MTTP: variants seen among roughly 807,000 people sequenced by gnomAD.
MTTP encodes the protein microsomal triglyceride transfer protein.
In MTTP, 49 loss-of-function variants were observed where a neutral mutation model predicts 90.6. The observed-to-expected ratio is 0.54, with a 90% CI of 0.43 to 0.69. The LOEUF (loss-of-function observed/expected upper bound fraction) is 0.69. Ranked by LOEUF, MTTP falls within the 30% of genes least tolerant of loss-of-function variation. MTTP has a pLI of 0.00. For missense variants in MTTP, 945 were observed against 1,067.5 expected, an observed-to-expected ratio of 0.89 and a Z score of 1.60; for synonymous variants, 347 against 384.2, an observed-to-expected ratio of 0.90 and a Z score of 1.13.
intron 7 of MTTP, 142 bp downstream of exon 7, chr4:99,595,025 C>A: frequency 2.3e-6 from 2 of 887,798 alleles, no homozygotes; most frequent in Non-Finnish European, 3.7e-6. Context: ...AGCAGTCTCA[C>A]AATATGCACC....
chr4:99,607,186 T>C (rs1181901210), intron 11 of MTTP, among the ~76,000 whole-genome samples: 1 of 152,238 alleles, frequency 6.6e-6, no homozygotes, highest in Non-Finnish European at 1.5e-5. Context: ...GCATATTCTC[T>C]TATTTTAAGA....
At chr4:99,592,088 A>G (rs1228344352) in intron 6 of MTTP, among the ~76,000 whole-genome samples, 1 of 152,206 alleles carries the variant, frequency 6.6e-6, no homozygotes, top group East Asian at 1.9e-4. Context: ...TACTGTAGAC[A>G]ATTAAACACA....
Position 99,594,875 on chromosome 4 carries a change from T to A in MTTP, c.901T>A (p.Cys301Ser), listed in dbSNP as rs759706918. The A allele has an allele frequency of 6.2e-7, 1 of 1,613,906 alleles. No individual in the cohort carries two copies. Among genetic ancestry groups the A allele is most frequent in the South Asian group, 1.1e-5 (1 of 91,080 alleles). ...GGTCTTCCAGAGCCACTGTAAAGGA[T>A]GTCCTTCTGTAAGTGCAGACAAATA... ...GQVFQSHCKG[C>S]PSLSELWRST... is the part of the protein sequence containing the mutation. Residue 301 changes from cysteine (C) to serine (S), a missense_variant, in exon 7 of 18, where the codon TGT (cysteine) becomes AGT (serine). Transcript: ENST00000265517.
chr4:99,565,498 T>A (rs1347311940), intron 1 of MTTP, among the ~76,000 whole-genome samples: 2 of 152,200 alleles, frequency 1.3e-5, no homozygotes, highest in African/African-American at 4.8e-5. Flanking sequence ...TGAAATCATG[T>A]GAAACAATAT....
chr4:99,569,786 C>G (rs2866164), intron 1 of MTTP, among the ~76,000 whole-genome samples: 39,775 of 151,754 alleles, frequency 0.26, 5,375 homozygotes, highest in South Asian at 0.35. Context: ...CTGCTGTTTA[C>G]CAGACTGCTT....
chr4:99,587,634 CA>C (rs1291621183), intron 3 of MTTP, among the ~76,000 whole-genome samples: 2 of 152,076 alleles, frequency 1.3e-5, no homozygotes, highest in Non-Finnish European at 2.9e-5. Flanking sequence ...ATAGTGGTGA[CA>C]ATACTGGTAT....
chr4:99,619,823 T>G (rs879590426), intron 16 of MTTP, among the ~76,000 whole-genome samples: 24 of 152,186 alleles, frequency 1.6e-4, no homozygotes, highest in Non-Finnish European at 2.9e-4. Flanking sequence ...ACATTTAATG[T>G]GAAGTGTGAC....
rs556994625 is a variant in MTTP, at chr4:99,623,230, T to G, written c.*382T>G. 4.7e-6 allele frequency: 1 copy of G among 212,136 alleles called. No individual in the cohort carries two copies. Among genetic ancestry groups the G allele is most frequent in the African/African-American group, 2.3e-5 (1 of 43,146 alleles). The allele number at this position is 212,136 out of a possible 1,614,324, so 13.1% of individuals were successfully genotyped here. ...TTTTTGATCAATGTATATGAAGCTC[T>G]TGATAGGACTTCCTTAAGCATGACG... On this transcript the variant is annotated 3_prime_UTR_variant, in exon 18 of 18. Coordinates refer to ENST00000265517, the MANE Select transcript of MTTP (RefSeq NM_001386140.1).
intron 1 of MTTP, 74 bp from the exon 2 acceptor site, chr4:99,581,831 G>A: frequency 1.4e-6 from 2 of 1,466,980 alleles, no homozygotes; most frequent in Non-Finnish European, 1.9e-6. Flanking sequence ...CACTGTGGTA[G>A]AGAGATGCAC....
At chr4:99,617,947 G>A (rs1726137213) in intron 15 of MTTP, among the ~76,000 whole-genome samples, 2 of 152,150 alleles carry the variant, frequency 1.3e-5, no homozygotes, top group South Asian at 4.1e-4. Flanking sequence ...CTAGTTGGAT[G>A]TAGGCAATTC....
chr4:99,600,758 C>G lies in MTTP; in HGVS notation c.1236+25C>G, dbSNP rs767065682. The G allele has an allele frequency of 9.3e-6, 15 of 1,607,142 alleles. No homozygotes were observed. The South Asian group carries it at 1.7e-4, about 18-fold the overall frequency. On this transcript the variant is annotated intron_variant, in intron 9 of 17. Coordinates refer to ENST00000265517, the MANE Select transcript of MTTP (RefSeq NM_001386140.1). ...TGTAAGTCAAATAGAAAATAAAGAC[C>G]CTCAACTCCTATAAAACTTCTTAAG...
chr4:99,566,443 G>C (rs1724704669), intron 1 of MTTP, among the ~76,000 whole-genome samples: 1 of 152,094 alleles, frequency 6.6e-6, no homozygotes, highest in Non-Finnish European at 1.5e-5. Context: ...TAATATAAGA[G>C]GTTGGACTCA....
In MTTP at chr4:99,622,883, C is replaced by T. The variant is rs755272213; in HGVS notation, c.*35C>T. 1.2e-6 allele frequency: 2 copies of T among 1,600,532 alleles called. No homozygotes were observed. The highest frequency in any genetic ancestry group is 1.7e-6 in the Non-Finnish European group (2 of 1,167,842). On this transcript the variant is annotated 3_prime_UTR_variant, in exon 18 of 18. Coordinates refer to ENST00000265517, the MANE Select transcript of MTTP (RefSeq NM_001386140.1). ...GTGATATTTTACTTGAATTTGTCTC[C>T]CCGAAAGGGACACAATGTGGCATGA...
rs2110217173 is a variant in MTTP, at chr4:99,589,751, G to A, written c.501+1G>A. ...GTTAAGCTCTGGAACCACCAATGAGGTACTTACCAATATTAATAAGGATTC... is the reference window on the plus strand; with the variant it reads ...GTTAAGCTCTGGAACCACCAATGAGATACTTACCAATATTAATAAGGATTC... On this transcript the variant is annotated splice_donor_variant, in intron 4 of 17. Transcript: ENST00000265517. LOFTEE classifies it high-confidence loss of function. 2 of 1,518,430 alleles carry A rather than the reference G, an allele frequency of 1.3e-6. No homozygotes were observed. Among genetic ancestry groups the A allele is most frequent in the Non-Finnish European group, 1.8e-6 (2 of 1,095,002 alleles). 94.1% of individuals were successfully genotyped at this position (1,518,430 alleles called of 1,614,324 possible).
In MTTP at chr4:99,613,068, C is replaced by G; in HGVS notation, c.2145C>G (p.Ser715=). The G allele has an allele frequency of 6.2e-7, 1 of 1,614,054 alleles. No homozygotes were observed. The highest frequency in any genetic ancestry group is 8.5e-7 in the Non-Finnish European group (1 of 1,179,968). The change falls in exon 15 of 18, where the codon TCC becomes TCG. Residue 715 remains serine, a synonymous_variant. Coordinates refer to ENST00000265517, the MANE Select transcript of MTTP (RefSeq NM_001386140.1). ...TFFNGYSDLM[S]KMLSASGDPI... The stretch of plus-strand genomic sequence containing the variant: ...TCAACGGATACAGTGATTTGATGTC[C>G]AAAATGCTGTCAGCATCTGGCGACC...
chr4:99,589,624 G>A lies in MTTP; in HGVS notation c.394-19G>A, dbSNP rs769148641. 2.1e-6 allele frequency: 3 copies of A among 1,435,090 alleles called. No individual in the cohort carries two copies. 88.9% of individuals were successfully genotyped at this position (1,435,090 alleles called of 1,614,324 possible). ...TGCATTTTTGCTTCATTTGTGTTCT[G>A]TTCCCCTCTCCCCACCAGGTCAAAG... On this transcript the variant is annotated intron_variant, in intron 3 of 17. Transcript: ENST00000265517.
intron 10 of MTTP, among the ~76,000 whole-genome samples, chr4:99,602,641 G>T (rs938165626): frequency 2.6e-5 from 4 of 151,960 alleles, no homozygotes; most frequent in Non-Finnish European, 4.4e-5. Flanking sequence ...TACTGAAAAG[G>T]CTTGGGTATT....
chr4:99,600,533 A>G, intron 8 of MTTP, 32 bp from the exon 9 acceptor site: 2 of 1,603,038 alleles, frequency 1.2e-6, no homozygotes, highest in Non-Finnish European at 1.7e-6. Context: ...TCCCCTAAAC[A>G]TTGATATCCA....
At chr4:99,603,110 A>G (rs962572276) in intron 10 of MTTP, among the ~76,000 whole-genome samples, 15 of 152,286 alleles carry the variant, frequency 9.8e-5, no homozygotes, top group Middle Eastern at 3.4e-3. Context: ...ACATTCTAGG[A>G]GACATACAAT....
Sources: allele counts gnomAD v4.1 joint callset (sites outside exome capture counted in the v4.1 genomes callset), GRCh38; gene constraint gnomAD v4.1.1; transcripts MANE v1.5; gene names NCBI Gene and HGNC (gene_info 2026-07-23, HGNC 2026-07-21).